The following CADPS variants were observed in gnomAD, a reference collection of about 807,000 sequenced individuals.
The protein encoded by CADPS is calcium dependent secretion activator, also known as calcium-dependent secretion activator 1.
A neutral mutation model predicts 167.3 loss-of-function variants in CADPS; 57 were observed. That is an observed-to-expected ratio of 0.34 (90% CI 0.28 to 0.42). The LOEUF (loss-of-function observed/expected upper bound fraction) is 0.42, where lower values mean the gene tolerates loss of function less well. Ranked by LOEUF, CADPS falls within the 20% of genes least tolerant of loss-of-function variation. The probability of loss-of-function intolerance (pLI) is 1.00; values close to 1 mark genes in which losing one functional copy is unlikely to be tolerated. For missense variants in CADPS, 1,414 were observed against 1,738.1 expected (o/e 0.81, Z 3.32); for synonymous variants, 676 against 635.3 (o/e 1.06, Z -0.96).
intron 28 of CADPS, among the ~76,000 whole-genome samples, chr3:62,428,793 C>T (rs183191633): frequency 1.3e-5 from 2 of 152,146 alleles, no homozygotes; most frequent in Admixed American, 1.3e-4. Context: ...GATGATTTTG[C>T]CCCCCAGGGG....
At chr3:62,571,274 G>T (rs1286343391) in intron 8 of CADPS, among the ~76,000 whole-genome samples, 1 of 152,174 alleles carries the variant, frequency 6.6e-6, no homozygotes, top group Non-Finnish European at 1.5e-5. Flanking sequence ...AAAGAAAAAA[G>T]AGGGTGCTAA....
rs140548217 is a variant in CADPS at position 62,484,554 on chromosome 3, C to T, written c.3027-2685G>A. ...CAACTTATATGCATTAAAATTTACA[C>T]TCTTTCATTCATTTTGGGGACTCTT... On this transcript the variant is annotated intron_variant, in intron 21 of 29. Coordinates refer to ENST00000383710, the MANE Select transcript of CADPS (RefSeq NM_003716.4). 6.7e-3 allele frequency among the ~76,000 whole-genome samples: 1,027 copies of T among 152,294 alleles called. 14 individuals are homozygous for T. The highest frequency in any genetic ancestry group is 0.023 in the African/African-American group (975 of 41,546).
At chr3:62,581,053 G>C (rs1268747005) in intron 8 of CADPS, among the ~76,000 whole-genome samples, 1 of 152,172 alleles carries the variant, frequency 6.6e-6, no homozygotes, top group Middle Eastern at 3.2e-3. Context: ...TGATCATGGA[G>C]CTAGAGAGAT....
chr3:62,637,704 T>C (rs997983752), intron 6 of CADPS, among the ~76,000 whole-genome samples: 5 of 152,222 alleles, frequency 3.3e-5, no homozygotes, highest in African/African-American at 1.2e-4. Flanking sequence ...AGATCTAATT[T>C]CTTTTAGAAA....
intron 21 of CADPS, among the ~76,000 whole-genome samples, chr3:62,488,855 A>G (rs2063244143): frequency 6.6e-6 from 1 of 152,202 alleles, no homozygotes; most frequent in South Asian, 2.1e-4. Context: ...TATGAATTGA[A>G]CAAACCACAA....
At chr3:62,621,704 C>A (rs1187226124) in intron 6 of CADPS, among the ~76,000 whole-genome samples, 2 of 151,702 alleles carry the variant, frequency 1.3e-5, no homozygotes, top group East Asian at 1.9e-4. Context: ...AAGCCTAGTA[C>A]CCTTTAGTTA....
In CADPS at chr3:62,765,962, G is replaced by A; in HGVS notation, c.464C>T (p.Thr155Ile). ...QQKISKQQLQ[T>I]VKDRFQAFLN... Reference sequence around the variant, plus strand: ...GAAAGCCTGAAACCGGTCCTTGACTGTCTGCAGCTGCTGTTTGCTGATCTG... The same window carrying A: ...GAAAGCCTGAAACCGGTCCTTGACTATCTGCAGCTGCTGTTTGCTGATCTG... Residue 155 changes from threonine (T) to isoleucine (I), a missense_variant, in exon 2 of 30, where the codon ACA becomes ATA. Physicochemically the swap from Thr to Ile is moderately conservative, Grantham distance 89. This residue lies in a region of CADPS where 522 missense variants were observed against 559.5 expected (regional missense o/e 0.93). Coordinates refer to ENST00000383710, the MANE Select transcript of CADPS (RefSeq NM_003716.4). 6.2e-7 allele frequency: 1 copy of A among 1,612,846 alleles called. No individual in the cohort carries two copies. Among genetic ancestry groups the A allele is most frequent in the Non-Finnish European group, 8.5e-7 (1 of 1,179,014 alleles).
At chr3:62,584,900 C>G (rs1014113268) in intron 8 of CADPS, among the ~76,000 whole-genome samples, 1 of 152,148 alleles carries the variant, frequency 6.6e-6, no homozygotes, top group African/African-American at 2.4e-5. Flanking sequence ...AAGACCTCTC[C>G]AAACTAGAAT....
intron 6 of CADPS, among the ~76,000 whole-genome samples, chr3:62,635,820 C>A (rs913743132): frequency 6.6e-6 from 1 of 152,124 alleles, no homozygotes; most frequent in African/African-American, 2.4e-5. Context: ...TTTTCCATAA[C>A]CCTTTACCAC....
At chr3:62,617,837 G>T (rs2062567381) in intron 6 of CADPS, among the ~76,000 whole-genome samples, 2 of 152,148 alleles carry the variant, frequency 1.3e-5, no homozygotes, top group South Asian at 4.1e-4. Context: ...GGTAGGCAGA[G>T]TTGGGAAAAT....
intron 1 of CADPS, among the ~76,000 whole-genome samples, chr3:62,853,854 G>T (rs912779066): frequency 1.3e-5 from 2 of 152,084 alleles, no homozygotes; most frequent in Non-Finnish European, 1.5e-5. Flanking sequence ...TACTTGGGGG[G>T]CTGAGGTGGG....
intron 7 of CADPS, among the ~76,000 whole-genome samples, chr3:62,591,016 G>A (rs370435662): frequency 2.0e-5 from 3 of 151,854 alleles, no homozygotes; most frequent in Non-Finnish European, 4.4e-5. Context: ...CACCACGCCC[G>A]GCTAATTTTT....
chr3:62,465,437 A>C lies in CADPS; in HGVS notation c.3566T>G (p.Leu1189Trp). 1 of 1,606,618 alleles carries C rather than the reference A, an allele frequency of 6.2e-7. No individual in the cohort carries two copies. Among genetic ancestry groups the C allele is most frequent in the Non-Finnish European group, 8.5e-7 (1 of 1,176,918 alleles). Residue 1189 changes from leucine (L) to tryptophan (W), a missense_variant, in exon 26 of 30, where the codon TTG becomes TGG. Leu to Trp is a moderately conservative substitution (Grantham distance 61). This residue lies in a region of CADPS where 185 missense variants were observed against 251.5 expected (regional missense o/e 0.74). Transcript: ENST00000383710. The surrounding 1 kb of genome is among the most constrained non-coding windows in gnomAD (Gnocchi z 4.1). ...TLLVAKFVTILEGVLAKLSRY... is the reference protein window; with the variant it reads ...TLLVAKFVTIWEGVLAKLSRY... ...GGATAATTTTGCCAGCACTCCTTCCAAGATAGTAACGAACTAGAAAAACAG... is the reference window on the plus strand; with the variant it reads ...GGATAATTTTGCCAGCACTCCTTCCCAGATAGTAACGAACTAGAAAAACAG...
chr3:62,557,828 A>T (rs2078432913), intron 9 of CADPS, among the ~76,000 whole-genome samples: 1 of 152,176 alleles, frequency 6.6e-6, no homozygotes, highest in South Asian at 2.1e-4. Context: ...AGCTATTATC[A>T]TTATTGCTTT....
At chr3:62,709,947 A>G (rs1365637011) in intron 3 of CADPS, among the ~76,000 whole-genome samples, 2 of 150,504 alleles carry the variant, frequency 1.3e-5, no homozygotes, top group African/African-American at 2.5e-5. Context: ...TTTTTTTTGT[A>G]TTTTAGTAGA....
chr3:62,615,568 C>A (rs1262281452), intron 6 of CADPS, among the ~76,000 whole-genome samples: 3 of 152,144 alleles, frequency 2.0e-5, no homozygotes, highest in Non-Finnish European at 4.4e-5. Context: ...AGACTTGATT[C>A]ATGAAGCACG....
intron 8 of CADPS, among the ~76,000 whole-genome samples, chr3:62,573,941 A>C (rs560750776): frequency 1.3e-5 from 2 of 152,330 alleles, no homozygotes; most frequent in South Asian, 2.1e-4. Context: ...CATTTGTTAT[A>C]GTTCAGTTGG....
chr3:62,660,860 T>G (rs762375724), intron 4 of CADPS, among the ~76,000 whole-genome samples: 9 of 152,246 alleles, frequency 5.9e-5, no homozygotes, highest in Non-Finnish European at 1.0e-4. Context: ...GAGGCCCGTT[T>G]AAATTTTGTG....
intron 6 of CADPS, among the ~76,000 whole-genome samples, chr3:62,620,326 G>A (rs1016422596): frequency 3.3e-5 from 5 of 152,200 alleles, no homozygotes; most frequent in Admixed American, 3.3e-4. Context: ...CTCATTGACT[G>A]AGCACCACAA....
Sources: gnomAD v4.1 joint callset for allele counts (sites outside exome capture counted in the v4.1 genomes callset) on GRCh38, gnomAD v4.1.1 for gene constraint, gnomAD v4.1.1 regional missense constraint, Gnocchi (gnomAD v3.1) non-coding constraint, MANE v1.5 for transcripts, NCBI Gene and HGNC (gene_info 2026-07-23, HGNC 2026-07-21) for gene names.